The following GALNT8 variants were observed in gnomAD, a reference collection of about 807,000 sequenced individuals.
GALNT8 encodes probable polypeptide N-acetylgalactosaminyltransferase 8.
In GALNT8, 66 loss-of-function variants were observed where a neutral mutation model predicts 62.7. The observed-to-expected ratio is 1.05, with a 90% CI of 0.86 to 1.29. GALNT8 has a LOEUF of 1.29. Among genes scored for constraint, GALNT8 ranks in the 50% most tolerant of loss-of-function variants. The probability of loss-of-function intolerance (pLI) is 0.00; values close to 1 mark genes in which losing one functional copy is unlikely to be tolerated. For synonymous variants in GALNT8, 288 were observed against 294.3 expected, an observed-to-expected ratio of 0.98 and a Z score of 0.22; for missense variants, 771 against 791.8, an observed-to-expected ratio of 0.97 and a Z score of 0.32.
intron 2 of GALNT8, among the ~76,000 whole-genome samples, chr12:4,738,745 T>G (rs1946256961): frequency 6.6e-6 from 1 of 151,952 alleles, no homozygotes. Context: ...ATTTAGTAAA[T>G]ATAGGCTAGT....
chr12:4,734,787 A>G (rs976708701), intron 2 of GALNT8, among the ~76,000 whole-genome samples: 1 of 152,072 alleles, frequency 6.6e-6, no homozygotes, highest in Non-Finnish European at 1.5e-5. Context: ...CCGTCCTCAT[A>G]TCTCTTGGCA....
intron 6 of GALNT8, among the ~76,000 whole-genome samples, chr12:4,758,264 C>T (rs144605749): frequency 6.6e-6 from 1 of 152,024 alleles, no homozygotes; most frequent in East Asian, 1.9e-4. Flanking sequence ...AACATCAGAG[C>T]TGCATGGAGT....
intron 6 of GALNT8, among the ~76,000 whole-genome samples, chr12:4,757,632 A>C (rs1460535525): frequency 6.6e-6 from 1 of 152,152 alleles, no homozygotes; most frequent in Non-Finnish European, 1.5e-5. Flanking sequence ...AGTTGTGTAT[A>C]TTATTTCTTT....
chr12:4,733,856 G>A (rs147356771), intron 2 of GALNT8, among the ~76,000 whole-genome samples: 101 of 152,290 alleles, frequency 6.6e-4, no homozygotes, highest in Admixed American at 2.2e-3. Context: ...TGAGGCTCCA[G>A]GGCCATATAT....
At chr12:4,735,060 A>G (rs1946238582) in intron 2 of GALNT8, among the ~76,000 whole-genome samples, 1 of 152,194 alleles carries the variant, frequency 6.6e-6, no homozygotes, top group Non-Finnish European at 1.5e-5. Context: ...CAGTGAGATA[A>G]ATATTTGCTT....
At chr12:4,743,118 T>C (rs1287751021) in intron 3 of GALNT8, among the ~76,000 whole-genome samples, 1 of 152,236 alleles carries the variant, frequency 6.6e-6, no homozygotes, top group Non-Finnish European at 1.5e-5. Context: ...CCCAAAGTGC[T>C]GGGATTACAG....
chr12:4,739,124 T>TA (rs770787854), intron 2 of GALNT8, 39 bp from the exon 3 acceptor site: 755 of 1,317,646 alleles, frequency 5.7e-4, no homozygotes, highest in Non-Finnish European at 6.7e-4. Flanking sequence ...TTGAAGTAAT[T>TA]AAAAAAAAAT....
At chr12:4,764,530 ATTTTTTTTTT>A (rs58809573) in intron 9 of GALNT8, among the ~76,000 whole-genome samples, 18 of 102,224 alleles carry the variant, frequency 1.8e-4, no homozygotes, top group South Asian at 3.9e-4. Context: ...CAGTCAGGGG[ATTTTTTTTTT>A]TTTTTTTTTT....
chr12:4,730,796 C>T (rs530234129), intron 2 of GALNT8, among the ~76,000 whole-genome samples: 1 of 151,582 alleles, frequency 6.6e-6, no homozygotes. Context: ...CTGTAGATCA[C>T]TATGGGAGGC....
chr12:4,749,389 C>G lies in GALNT8; in HGVS notation c.1173+3131C>G, dbSNP rs1442457354. On this transcript the variant is annotated intron_variant, in intron 6 of 10. Coordinates refer to ENST00000252318, the MANE Select transcript of GALNT8 (RefSeq NM_017417.2). This position sits in a 1 kb window ranked among gnomAD's most constrained non-coding sequence, Gnocchi z 4.1. ...ATAGAAGTTGGATTTTATCAAATGCCTTTTCAGCGTCAATTGAAATGATCA... is the reference window on the plus strand; with the variant it reads ...ATAGAAGTTGGATTTTATCAAATGCGTTTTCAGCGTCAATTGAAATGATCA... Among the ~76,000 whole-genome samples, 1 of 152,198 alleles carries G rather than the reference C, an allele frequency of 6.6e-6. No individual in the cohort carries two copies. The highest frequency in any genetic ancestry group is 2.1e-4 in the South Asian group (1 of 4,810).
Position 4,763,409 on chromosome 12 carries a change from C to T in GALNT8, c.1497+19C>T. 6.3e-7 allele frequency: 1 copy of T among 1,598,538 alleles called. No homozygotes were observed. The highest frequency in any genetic ancestry group is 1.1e-5 in the South Asian group (1 of 89,848). On this transcript the variant is annotated intron_variant, in intron 8 of 10. Transcript: ENST00000252318. ...TGGAAGAGTATGTATTATGAAATTG[C>T]ACTTTGGATTTTAAATGTTTGACTG... is the stretch of plus-strand genomic sequence containing the variant.
Position 4,763,392 on chromosome 12 carries a change from T to C in GALNT8, c.1497+2T>C, listed in dbSNP as rs769635631. ...CACACCATCGTGGGCTATGGAAGAG[T>C]ATGTATTATGAAATTGCACTTTGGA... is the stretch of plus-strand genomic sequence containing the variant. On this transcript the variant is annotated splice_donor_variant, in intron 8 of 10. Coordinates refer to ENST00000252318, the MANE Select transcript of GALNT8 (RefSeq NM_017417.2). LOFTEE classifies it high-confidence loss of function. 1.9e-6 allele frequency: 3 copies of C among 1,606,974 alleles called. No homozygotes were observed. Among genetic ancestry groups the C allele is most frequent in the East Asian group, 2.2e-5 (1 of 44,808 alleles).
chr12:4,755,637 G>A (rs1040132264), intron 6 of GALNT8, among the ~76,000 whole-genome samples: 38 of 152,114 alleles, frequency 2.5e-4, no homozygotes, highest in African/African-American at 8.7e-4. Context: ...CTTGTCAGGG[G>A]GATGATTGGT....
At chr12:4,722,044 A>G (rs1277705796) in intron 1 of GALNT8, among the ~76,000 whole-genome samples, 1 of 152,222 alleles carries the variant, frequency 6.6e-6, no homozygotes. Context: ...GACACAGCAC[A>G]TGTTTCAGGG....
chr12:4,752,974 A>C (rs1946328877), intron 6 of GALNT8, among the ~76,000 whole-genome samples: 2 of 152,252 alleles, frequency 1.3e-5, no homozygotes, highest in South Asian at 4.2e-4. Context: ...TTTTTCCTTC[A>C]ACACTTTACA....
At chr12:4,768,025 A>G (rs544738748) in intron 10 of GALNT8, among the ~76,000 whole-genome samples, 1 of 152,276 alleles carries the variant, frequency 6.6e-6, no homozygotes, top group Admixed American at 6.5e-5. Context: ...ATTAAACATG[A>G]TGAGCTGTAT....
At position 4,726,230 on chromosome 12, in the gene GALNT8, A is replaced by C. The variant is rs564361561; in HGVS notation, c.212-302A>C. 6.6e-6 allele frequency among the ~76,000 whole-genome samples: 1 copy of C among 152,246 alleles called. No homozygotes were observed. The highest frequency in any genetic ancestry group is 1.9e-4 in the East Asian group (1 of 5,168). On this transcript the variant is annotated intron_variant, in intron 1 of 10. Transcript: ENST00000252318. This position sits in a 1 kb window ranked among gnomAD's most constrained non-coding sequence, Gnocchi z 4.1. ...GTTCTCAGGCCTCATTCTGAAAAAC[A>C]TTAGCTTATTTTCCATCTGTTTCTC...
At chr12:4,722,639 C>A (rs1946176094) in intron 1 of GALNT8, among the ~76,000 whole-genome samples, 1 of 152,134 alleles carries the variant, frequency 6.6e-6, no homozygotes, top group Admixed American at 6.5e-5. Flanking sequence ...CAGCAATTTC[C>A]CCCTGCTCCC....
rs1263106355 is a variant in GALNT8 at position 4,763,961 on chromosome 12, C to G, written c.1507C>G (p.Leu503Val). The change falls in exon 9 of 11, where the codon CTA becomes GTA. Residue 503 changes from leucine (L) to valine (V), a missense_variant. Transcript: ENST00000252318. ...GTTTTGTCCCCTTCAGATGAAAAAC[C>G]TATTGGATGAAAATGTCTGCTTGGA... is the stretch of plus-strand genomic sequence containing the variant. ...TIVGYGRMKN[L>V]LDENVCLDQG... is the part of the protein sequence containing the mutation. 1.9e-6 allele frequency: 3 copies of G among 1,559,110 alleles called. No homozygotes were observed. Among genetic ancestry groups the G allele is most frequent in the Non-Finnish European group, 2.7e-6 (3 of 1,129,402 alleles).
Sources: gnomAD v4.1 joint callset for allele counts (sites outside exome capture counted in the v4.1 genomes callset) on GRCh38, gnomAD v4.1.1 for gene constraint, Gnocchi (gnomAD v3.1) non-coding constraint, MANE v1.5 for transcripts, NCBI Gene and HGNC (gene_info 2026-07-23, HGNC 2026-07-21) for gene names.